CYP2C19: variants seen among roughly 807,000 people sequenced by gnomAD.
CYP2C19 encodes the protein cytochrome P450 2C19.
Under a neutral mutation model 40.9 loss-of-function variants are expected in CYP2C19, and 59 were observed. That is an observed-to-expected ratio of 1.44 (90% CI 1.17 to 1.79). The LOEUF (loss-of-function observed/expected upper bound fraction) is 1.79, where lower values mean the gene tolerates loss of function less well. Among genes scored for constraint, CYP2C19 ranks in the 40% most tolerant of loss-of-function variants. The pLI is 0.00. For missense variants in CYP2C19, 754 were observed against 596.9 expected (o/e 1.26, Z -2.74); for synonymous variants, 253 against 208.7 (o/e 1.21, Z -1.83).
intron 5 of CYP2C19, among the ~76,000 whole-genome samples, chr10:94,806,821 G>A (rs1298378105): frequency 6.6e-6 from 1 of 151,328 alleles, no homozygotes; most frequent in Admixed American, 6.6e-5. Context: ...TTCAGTATAT[G>A]TATACAATGT....
chr10:94,817,112 T>C (rs1395212637), intron 5 of CYP2C19, among the ~76,000 whole-genome samples: 37 of 146,402 alleles, frequency 2.5e-4, no homozygotes, highest in African/African-American at 9.4e-4. Flanking sequence ...GATGGCTGGG[T>C]CAAATGGTAT....
intron 6 of CYP2C19, among the ~76,000 whole-genome samples, chr10:94,837,380 T>C (rs191989291): frequency 6.6e-6 from 1 of 152,170 alleles, no homozygotes; most frequent in African/African-American, 2.4e-5. Context: ...GGACAGGCAT[T>C]CTTTGCTCAT....
At chr10:94,830,533 C>T (rs1363914001) in intron 6 of CYP2C19, among the ~76,000 whole-genome samples, 1 of 152,146 alleles carries the variant, frequency 6.6e-6, no homozygotes, top group African/African-American at 2.4e-5. Context: ...GTGCACGCAC[C>T]CACTGACCTG....
intron 5 of CYP2C19, among the ~76,000 whole-genome samples, chr10:94,812,710 G>A (rs976589627): frequency 7.9e-5 from 12 of 151,830 alleles, no homozygotes; most frequent in Admixed American, 2.0e-4. Flanking sequence ...CTCATTCTGT[G>A]TTCTTCAGCT....
intron 5 of CYP2C19, among the ~76,000 whole-genome samples, chr10:94,800,476 G>C (rs1000495842): frequency 6.6e-6 from 1 of 152,222 alleles, no homozygotes; most frequent in Non-Finnish European, 1.5e-5. Context: ...GCTACACGGG[G>C]TTCAGGTACC....
intron 5 of CYP2C19, among the ~76,000 whole-genome samples, chr10:94,782,213 TA>T (rs1184265943): frequency 6.6e-6 from 1 of 152,134 alleles, no homozygotes; most frequent in Non-Finnish European, 1.5e-5. Flanking sequence ...ATTGTTTAGA[TA>T]AATATAATCT....
intron 7 of CYP2C19, among the ~76,000 whole-genome samples, chr10:94,849,470 G>A (rs986217558): frequency 1.3e-4 from 20 of 151,656 alleles, no homozygotes; most frequent in African/African-American, 4.6e-4. Flanking sequence ...TAGGACTTTG[G>A]GATTTTTTTT....
intron 5 of CYP2C19, among the ~76,000 whole-genome samples, chr10:94,814,588 G>T (rs1002574196): frequency 2.0e-5 from 3 of 151,810 alleles, no homozygotes; most frequent in African/African-American, 4.8e-5. Context: ...AATAATTTTG[G>T]GTGCCTCAGT....
At chr10:94,812,388 T>C (rs1261540551) in intron 5 of CYP2C19, among the ~76,000 whole-genome samples, 1 of 151,848 alleles carries the variant, frequency 6.6e-6, no homozygotes, top group Non-Finnish European at 1.5e-5. Context: ...ATTGTGGGTG[T>C]TTTCTGTATT....
At chr10:94,842,207 C>T (rs1008618079) in intron 6 of CYP2C19, among the ~76,000 whole-genome samples, 3 of 152,058 alleles carry the variant, frequency 2.0e-5, no homozygotes, top group Non-Finnish European at 2.9e-5. Flanking sequence ...TTGTTCCATC[C>T]TCTTGCCAAG....
At chr10:94,784,867 G>A (rs1326670269) in intron 5 of CYP2C19, among the ~76,000 whole-genome samples, 1 of 152,064 alleles carries the variant, frequency 6.6e-6, no homozygotes, top group Non-Finnish European at 1.5e-5. Context: ...TGGGATTACA[G>A]GTGTGAGCCA....
rs1313090831 is a variant in CYP2C19, at chr10:94,854,193, AT to A, written c.*1284del. Among the ~76,000 whole-genome samples, 3 of 151,472 alleles carry A rather than the reference AT, an allele frequency of 2.0e-5. No homozygotes were observed. The highest frequency in any genetic ancestry group is 6.6e-5 in the Admixed American group (1 of 15,214). ...ACCACCACACCAGGCTAATTTTTGTATTTTTAGTAGAGACAGGGTTTCACTA... is the reference window on the plus strand; with the variant it reads ...ACCACCACACCAGGCTAATTTTTGTATTTTAGTAGAGACAGGGTTTCACTA... On this transcript the variant is annotated 3_prime_UTR_variant, in exon 9 of 9. Transcript: ENST00000371321.
intron 5 of CYP2C19, among the ~76,000 whole-genome samples, chr10:94,816,289 G>A (rs1002045836): frequency 1.5e-5 from 2 of 134,750 alleles, no homozygotes; most frequent in East Asian, 2.1e-4. Flanking sequence ...TTATTTTTAT[G>A]GCATAAGTGG....
rs922933844 is a variant in CYP2C19 at position 94,828,226 on chromosome 10, T to C, written c.961+7589T>C. ...CAATTCCTGGGTATCCTTGTTGACTTTCTGTCTCGTTGATCTGTCTAATGT... is the reference window on the plus strand; with the variant it reads ...CAATTCCTGGGTATCCTTGTTGACTCTCTGTCTCGTTGATCTGTCTAATGT... On this transcript the variant is annotated intron_variant, in intron 6 of 8. Coordinates refer to ENST00000371321, the MANE Select transcript of CYP2C19 (RefSeq NM_000769.4). Among the ~76,000 whole-genome samples the C allele has an allele frequency of 4.6e-4, 70 of 151,896 alleles. 1 individual carries two copies. Among genetic ancestry groups the C allele is most frequent in the African/African-American group, 1.5e-3 (63 of 41,452 alleles).
chr10:94,784,805 G>T (rs982325649), intron 5 of CYP2C19, among the ~76,000 whole-genome samples: 2 of 151,950 alleles, frequency 1.3e-5, no homozygotes, highest in African/African-American at 4.8e-5. Flanking sequence ...GGCCAGGCTG[G>T]TCTCGAACTC....
In CYP2C19 at chr10:94,820,652, G is replaced by C; in HGVS notation, c.961+15G>C. The C allele has an allele frequency of 2.5e-6, 4 of 1,614,134 alleles. No individual in the cohort carries two copies. Among genetic ancestry groups the C allele is most frequent in the Non-Finnish European group, 3.4e-6 (4 of 1,180,000 alleles). ...AGAGGTCACAGGTATGATCACAGAG[G>C]ATGAGTTAATTGAGTTTTAGGAAAG... On this transcript the variant is annotated intron_variant, in intron 6 of 8. Transcript: ENST00000371321.
rs749532809 is a variant in CYP2C19, at chr10:94,842,823, T to C, written c.962-14T>C. 25 of 1,613,986 alleles carry C rather than the reference T, an allele frequency of 1.5e-5. No individual in the cohort carries two copies. Among genetic ancestry groups the C allele is most frequent in the Non-Finnish European group, 2.1e-5 (25 of 1,179,862 alleles). On this transcript the variant is annotated splice_polypyrimidine_tract_variant and intron_variant, in intron 6 of 8. Transcript: ENST00000371321. ...TCTCTCCTTTTCCATCAGTTCTTACTTGTGTCTTGTCAGCTAAAGTCCAGG... is the reference window on the plus strand; with the variant it reads ...TCTCTCCTTTTCCATCAGTTCTTACCTGTGTCTTGTCAGCTAAAGTCCAGG...
chr10:94,775,040 C>G lies in CYP2C19; in HGVS notation c.169-18C>G. ...AAACAGTGACTTCATTTGCTGTTAA[C>G]TGTATCTCCTTTTCTAGCTCTCAAA... On this transcript the variant is annotated intron_variant, in intron 1 of 8. Coordinates refer to ENST00000371321, the MANE Select transcript of CYP2C19 (RefSeq NM_000769.4). 2 of 1,613,314 alleles carry G rather than the reference C, an allele frequency of 1.2e-6. No homozygotes were observed. Among genetic ancestry groups the G allele is most frequent in the Non-Finnish European group, 1.7e-6 (2 of 1,179,574 alleles).
At chr10:94,785,894 C>T (rs1006654120) in intron 5 of CYP2C19, among the ~76,000 whole-genome samples, 10 of 152,062 alleles carry the variant, frequency 6.6e-5, no homozygotes, top group African/African-American at 1.9e-4. Flanking sequence ...AGTGGAAAGT[C>T]CATTTGCATA....
Sources: gnomAD v4.1 joint callset for allele counts (sites outside exome capture counted in the v4.1 genomes callset) on GRCh38, gnomAD v4.1.1 for gene constraint, MANE v1.5 for transcripts, NCBI Gene and HGNC (gene_info 2026-07-23, HGNC 2026-07-21) for gene names.